The following BDH1 variants were observed in gnomAD, a reference collection of about 807,000 sequenced individuals.
BDH1 encodes the protein 3-hydroxybutyrate dehydrogenase 1.
A neutral mutation model predicts 33.1 loss-of-function variants in BDH1; 30 were observed. The ratio of observed to expected loss-of-function variants is 0.91; its 90% confidence interval spans 0.68 to 1.23. The LOEUF (loss-of-function observed/expected upper bound fraction) is 1.23. Ranked by LOEUF, BDH1 falls within the 50% of genes most tolerant of loss-of-function variation. BDH1 has a pLI of 0.00. For missense variants in BDH1, 443 were observed against 464.4 expected (o/e 0.95, Z 0.42); for synonymous variants, 190 against 183.6 (o/e 1.03, Z -0.28).
rs542532731 is a variant in BDH1, at chr3:197,521,440, C to T, written c.409+1200G>A. ...TGTTGGCTACTGGTACTGCCCTCTC[C>T]TCCAAACTTTCTGTTGTTTAGCCTC... On this transcript the variant is annotated intron_variant, in intron 6 of 7. Transcript: ENST00000392379. The surrounding 1 kb of genome is among the most constrained non-coding windows in gnomAD (Gnocchi z 4.9). Among the ~76,000 whole-genome samples the T allele has an allele frequency of 6.6e-6, 1 of 152,254 alleles. No homozygotes were observed. Among genetic ancestry groups the T allele is most frequent in the South Asian group, 2.1e-4 (1 of 4,830 alleles).
intron 3 of BDH1, among the ~76,000 whole-genome samples, chr3:197,545,545 T>C (rs1243497530): frequency 2.0e-5 from 3 of 152,144 alleles, no homozygotes; most frequent in Non-Finnish European, 2.9e-5. Context: ...ACTGAAGACC[T>C]GTCCCCGGCA....
At chr3:197,558,111 T>C (rs1191624134), upstream of BDH1, among the ~76,000 whole-genome samples, 1 of 152,258 alleles carries the variant, frequency 6.6e-6, no homozygotes. Flanking sequence ...GAAAAGGACA[T>C]TTGACCTTTC....
chr3:197,552,855 T>C (rs1716681985), intron 2 of BDH1, among the ~76,000 whole-genome samples: 2 of 152,226 alleles, frequency 1.3e-5, no homozygotes, highest in African/African-American at 4.8e-5. Context: ...TTTTTGTCTG[T>C]TTTGTTCACT....
chr3:197,531,061 C>T (rs1055449228), intron 5 of BDH1, among the ~76,000 whole-genome samples: 4 of 151,950 alleles, frequency 2.6e-5, no homozygotes, highest in Admixed American at 6.6e-5. Flanking sequence ...AATAATACAG[C>T]GATAAAGAAA....
intron 3 of BDH1, among the ~76,000 whole-genome samples, chr3:197,542,118 C>G (rs1223173113): frequency 6.6e-6 from 1 of 152,228 alleles, no homozygotes; most frequent in African/African-American, 2.4e-5. Flanking sequence ...AGGTGCGTTG[C>G]TTGTCCCTGC....
chr3:197,550,148 A>T (rs1454034748), intron 2 of BDH1, among the ~76,000 whole-genome samples: 1 of 152,124 alleles, frequency 6.6e-6, no homozygotes, highest in African/African-American at 2.4e-5. Context: ...AGAAGTAACC[A>T]TTCTCAAACA....
chr3:197,536,045 C>CA (rs58323248), intron 3 of BDH1, among the ~76,000 whole-genome samples: 4,391 of 133,970 alleles, frequency 0.033, 195 homozygotes, highest in African/African-American at 0.11. Flanking sequence ...GACCCTGTCT[C>CA]AAAAAAAAAA....
intron 3 of BDH1, among the ~76,000 whole-genome samples, chr3:197,539,913 T>C (rs572211906): frequency 3.3e-5 from 5 of 152,212 alleles, no homozygotes; most frequent in Admixed American, 6.5e-5. Context: ...CGGCTCTGCG[T>C]GAATTACTCT....
chr3:197,547,160 G>T (rs1716155570), intron 2 of BDH1, among the ~76,000 whole-genome samples: 1 of 152,158 alleles, frequency 6.6e-6, no homozygotes, highest in Non-Finnish European at 1.5e-5. Flanking sequence ...CAACCTTATT[G>T]CAACAAGAAT....
chr3:197,515,106 G>A (rs966817130), intron 6 of BDH1, among the ~76,000 whole-genome samples: 1 of 152,248 alleles, frequency 6.6e-6, no homozygotes, highest in African/African-American at 2.4e-5. Context: ...ACTCGGCGCT[G>A]CTTTATTTTC....
chr3:197,533,812 T>C (rs1579941002), intron 3 of BDH1: 2 of 504,294 alleles, frequency 4.0e-6, no homozygotes, highest in Non-Finnish European at 7.0e-6. Context: ...GAAGCTACTT[T>C]TGTTGGGCAG....
At chr3:197,572,893 C>A (rs1307532293) in intron 1 of BDH1, among the ~76,000 whole-genome samples, 1 of 152,156 alleles carries the variant, frequency 6.6e-6, no homozygotes, top group African/African-American at 2.4e-5. Context: ...AGATACAAAA[C>A]CACATGCTTA....
chr3:197,561,595 T>C lies in BDH1; in HGVS notation c.-44+11586A>G, dbSNP rs148804673. Among the ~76,000 whole-genome samples, 327 of 152,310 alleles carry C rather than the reference T, an allele frequency of 2.1e-3. 4 individuals are homozygous for C. The highest frequency in any genetic ancestry group is 0.019 in the Admixed American group (285 of 15,306). On this transcript the variant is annotated intron_variant, in intron 1 of 6. Coordinates refer to the BDH1 transcript ENST00000358186. ...CAACCAGCTGGTCTGAATTTCTCCT[T>C]TACCATTAGAGTGCTCAGTGATCAT... is the stretch of plus-strand genomic sequence containing the variant.
chr3:197,561,468 C>T (rs947015361), intron 1 of BDH1, among the ~76,000 whole-genome samples: 3 of 151,754 alleles, frequency 2.0e-5, no homozygotes, highest in Admixed American at 6.6e-5. Context: ...AAGATGAATT[C>T]GAGTTTTTTC....
Position 197,512,335 on chromosome 3 carries a change from C to T in BDH1, c.592G>A (p.Gly198Ser). 1 of 1,609,440 alleles carries T rather than the reference C, an allele frequency of 6.2e-7. No homozygotes were observed. The highest frequency in any genetic ancestry group is 8.5e-7 in the Non-Finnish European group (1 of 1,179,556). Residue 198 changes from glycine to serine, a missense_variant, in exon 8 of 8, where the codon GGC (glycine) becomes AGC (serine). Gly to Ser is a moderately conservative substitution (Grantham distance 56). Transcript: ENST00000392379. ...GRVVNISSML[G>S]RMANPARSPY... ...GAGCGGGCCGGGTTGGCCATGCGGC[C>T]CAGCATGCTGCTGATATTGACGACG...
chr3:197,531,418 A>C (rs4857525), intron 5 of BDH1, among the ~76,000 whole-genome samples: 2 of 137,260 alleles, frequency 1.5e-5, no homozygotes, highest in African/African-American at 5.6e-5. Context: ...TTAAAAAAAA[A>C]ATATATATAT....
rs1714315879 is a variant in BDH1 at position 197,528,415 on chromosome 3, T to C, written c.267+3997A>G. ...CATCTGCTGGAGCTAAGTCCCTGAG[T>C]TGGCCAAAGGCAATGAGATATGAGA... On this transcript the variant is annotated intron_variant, in intron 5 of 7. Transcript: ENST00000392379. The surrounding 1 kb of genome is among the most constrained non-coding windows in gnomAD (Gnocchi z 5.1). The C allele has an allele frequency of 6.6e-6, 1 of 152,074 alleles. No homozygotes were observed. Among genetic ancestry groups the C allele is most frequent in the Non-Finnish European group, 1.5e-5 (1 of 68,054 alleles). 9.4% of individuals were successfully genotyped at this position (152,074 alleles called of 1,614,324 possible).
intron 3 of BDH1, chr3:197,538,415 G>A (rs535438285): frequency 3.3e-5 from 15 of 453,508 alleles, no homozygotes; most frequent in Admixed American, 7.1e-5. Flanking sequence ...GCAGTGACAC[G>A]ATCTCAGCTC....
intron 3 of BDH1, among the ~76,000 whole-genome samples, chr3:197,536,276 T>C (rs935756249): frequency 6.6e-6 from 1 of 152,234 alleles, no homozygotes; most frequent in Non-Finnish European, 1.5e-5. Flanking sequence ...TTCATTGATA[T>C]ATGTGCTGCT....
Sources: gnomAD v4.1 joint callset for allele counts (sites outside exome capture counted in the v4.1 genomes callset) on GRCh38, gnomAD v4.1.1 for gene constraint, Gnocchi (gnomAD v3.1) non-coding constraint, MANE v1.5 for transcripts, NCBI Gene and HGNC (gene_info 2026-07-23, HGNC 2026-07-21) for gene names.